Variants in ADAMTS12 observed in about 807,000 individuals in gnomAD.
The protein encoded by ADAMTS12 is ADAM metallopeptidase with thrombospondin type 1 motif 12, also known as A disintegrin and metalloproteinase with thrombospondin motifs 12.
ADAMTS12 carries 118 observed loss-of-function variants against 167.8 expected under a neutral mutation model. The ratio of observed to expected loss-of-function variants is 0.70; its 90% confidence interval spans 0.61 to 0.82. The LOEUF (loss-of-function observed/expected upper bound fraction) is 0.82, where lower values mean the gene tolerates loss of function less well. ADAMTS12 is among the 40% of genes least tolerant of loss of function. The probability of loss-of-function intolerance (pLI) is 0.00; values close to 1 mark genes in which losing one functional copy is unlikely to be tolerated. For synonymous variants in ADAMTS12, 704 were observed against 716.9 expected, an observed-to-expected ratio of 0.98 and a Z score of 0.29; for missense variants, 1,916 against 1,998.8, an observed-to-expected ratio of 0.96 and a Z score of 0.79.
intron 2 of ADAMTS12, among the ~76,000 whole-genome samples, chr5:33,853,207 C>T (rs1213772363): frequency 1.3e-5 from 2 of 152,230 alleles, no homozygotes; most frequent in African/African-American, 4.8e-5. Context: ...ATCAAGGTCT[C>T]TTCATTCTTG....
chr5:33,827,848 C>A lies in ADAMTS12; in HGVS notation c.489+53271G>T, dbSNP rs1043139259. Among the ~76,000 whole-genome samples, 8 of 148,536 alleles carry A rather than the reference C, an allele frequency of 5.4e-5. 1 individual carries two copies. Among genetic ancestry groups the A allele is most frequent in the Admixed American group, 2.0e-4 (3 of 14,842 alleles). ...TGCTATTTATTATCTTATAAAAAAA[C>A]TCAAATATACCTTGTTACCATCTAT... On this transcript the variant is annotated intron_variant, in intron 2 of 23. Transcript: ENST00000504830.
chr5:33,671,520 C>T (rs535543447), intron 5 of ADAMTS12, among the ~76,000 whole-genome samples: 1 of 152,230 alleles, frequency 6.6e-6, no homozygotes, highest in East Asian at 1.9e-4. Context: ...ACAAAAACAC[C>T]TTAAAAATAA....
intron 2 of ADAMTS12, among the ~76,000 whole-genome samples, chr5:33,820,734 C>T (rs1255346923): frequency 1.3e-5 from 2 of 152,114 alleles, no homozygotes; most frequent in Admixed American, 1.3e-4. Context: ...AAATGCCCAT[C>T]AATGATAGAC....
intron 2 of ADAMTS12, among the ~76,000 whole-genome samples, chr5:33,850,794 T>C (rs978613588): frequency 1.3e-5 from 2 of 152,110 alleles, no homozygotes; most frequent in African/African-American, 2.4e-5. Flanking sequence ...CCCAAAGTAA[T>C]AGATCTAAAG....
chr5:33,846,317 T>G (rs1748943086), intron 2 of ADAMTS12, among the ~76,000 whole-genome samples: 1 of 152,236 alleles, frequency 6.6e-6, no homozygotes, highest in South Asian at 2.1e-4. Flanking sequence ...ACTGAATTCT[T>G]CTGTCTCTAA....
At chr5:33,725,449 C>T (rs1258916129) in intron 3 of ADAMTS12, among the ~76,000 whole-genome samples, 2 of 152,184 alleles carry the variant, frequency 1.3e-5, no homozygotes, top group African/African-American at 4.8e-5. Context: ...CAGAACTTTC[C>T]CCACTTATGA....
intron 3 of ADAMTS12, among the ~76,000 whole-genome samples, chr5:33,720,969 A>C (rs1014400495): frequency 6.6e-6 from 1 of 152,240 alleles, no homozygotes; most frequent in African/African-American, 2.4e-5. Context: ...CCAAATGAAA[A>C]ATATCCACTG....
chr5:33,796,802 A>G (rs888396031), intron 2 of ADAMTS12, among the ~76,000 whole-genome samples: 1 of 152,226 alleles, frequency 6.6e-6, no homozygotes, highest in African/African-American at 2.4e-5. Context: ...GAGCAACTTC[A>G]AAAGCCTCCC....
chr5:33,688,220 AT>A (rs1300260687), intron 3 of ADAMTS12, among the ~76,000 whole-genome samples: 3 of 152,076 alleles, frequency 2.0e-5, no homozygotes. Context: ...AGGTTTGTCC[AT>A]TTTTTCCATT....
intron 20 of ADAMTS12, among the ~76,000 whole-genome samples, chr5:33,555,401 C>A (rs1056646420): frequency 5.3e-5 from 8 of 152,094 alleles, no homozygotes; most frequent in African/African-American, 1.9e-4. Flanking sequence ...TGTGCTGTAC[C>A]AAGCCGGGCT....
intron 19 of ADAMTS12, among the ~76,000 whole-genome samples, chr5:33,574,146 G>C (rs1187437053): frequency 4.6e-5 from 7 of 151,490 alleles, no homozygotes; most frequent in African/African-American, 1.5e-4. Flanking sequence ...TACACTGTTG[G>C]TGGGACTGTA....
chr5:33,731,782 C>A (rs1265461757), intron 3 of ADAMTS12, among the ~76,000 whole-genome samples: 1 of 152,074 alleles, frequency 6.6e-6, no homozygotes, highest in East Asian at 1.9e-4. Context: ...GGCTCATGAC[C>A]CTGCCTAAGA....
intron 2 of ADAMTS12, among the ~76,000 whole-genome samples, chr5:33,824,917 G>T (rs917866461): frequency 2.0e-5 from 3 of 152,122 alleles, no homozygotes; most frequent in Non-Finnish European, 2.9e-5. Context: ...CTCTAACACT[G>T]CAAAAGCCAC....
intron 2 of ADAMTS12, among the ~76,000 whole-genome samples, chr5:33,880,659 G>A (rs1323197121): frequency 1.3e-5 from 2 of 152,266 alleles, no homozygotes; most frequent in South Asian, 2.1e-4. Context: ...ACTGCCCGAG[G>A]TTCCCTCATG....
chr5:33,736,718 A>C (rs867295134), intron 3 of ADAMTS12, among the ~76,000 whole-genome samples: 14 of 152,222 alleles, frequency 9.2e-5, no homozygotes, highest in African/African-American at 3.1e-4. Context: ...ATTATGAAAC[A>C]TGTGAAGAAT....
At chr5:33,613,107 T>A (rs959066669) in intron 16 of ADAMTS12, among the ~76,000 whole-genome samples, 4 of 152,124 alleles carry the variant, frequency 2.6e-5, no homozygotes, top group African/African-American at 4.8e-5. Context: ...TCTGCTCCAT[T>A]CACTTGCTTC....
intron 2 of ADAMTS12, chr5:33,840,384 C>G (rs1415145817): frequency 6.6e-6 from 1 of 152,144 alleles, no homozygotes; most frequent in Non-Finnish European, 1.5e-5. Context: ...TCCATCTCAC[C>G]CTTTAATTAA....
chr5:33,548,186 T>C (rs970179005), intron 21 of ADAMTS12, among the ~76,000 whole-genome samples: 4 of 152,252 alleles, frequency 2.6e-5, no homozygotes, highest in Non-Finnish European at 4.4e-5. Context: ...AAAATAGTTA[T>C]TGATTCATTC....
At chr5:33,860,605 G>A (rs770214274) in intron 2 of ADAMTS12, among the ~76,000 whole-genome samples, 5 of 152,172 alleles carry the variant, frequency 3.3e-5, no homozygotes, top group Non-Finnish European at 7.3e-5. Context: ...ATACTATCCA[G>A]GAGAATATCC....
Sources: gnomAD v4.1 joint callset for allele counts (sites outside exome capture counted in the v4.1 genomes callset) on GRCh38, gnomAD v4.1.1 for gene constraint, MANE v1.5 for transcripts, NCBI Gene and HGNC (gene_info 2026-07-23, HGNC 2026-07-21) for gene names.